Variants in THUMPD2 observed in about 807,000 individuals in gnomAD.
THUMPD2 encodes the protein U6 snRNA (guanine-N(2))-methyltransferase THUMPD2.
Under a neutral mutation model 49.4 loss-of-function variants are expected in THUMPD2, and 56 were observed. The ratio of observed to expected loss-of-function variants is 1.13; its 90% CI spans 0.91 to 1.41. THUMPD2 has a LOEUF of 1.41. THUMPD2 is among the 40% of genes most tolerant of loss of function. The probability of loss-of-function intolerance (pLI) is 0.00; values close to 1 mark genes in which losing one functional copy is unlikely to be tolerated. For synonymous variants in THUMPD2, 237 were observed against 205.2 expected (o/e 1.15, Z -1.32); for missense variants, 709 against 594.5 (o/e 1.19, Z -2.00).
At chr2:39,765,921 TA>T (rs1352725294) in intron 5 of THUMPD2, 135 bp downstream of exon 5, 1 of 720,484 alleles carries the variant, frequency 1.4e-6, no homozygotes, top group Non-Finnish European at 2.3e-6. Context: ...TTTATTGTCT[TA>T]AGCAAAGAAT....
intron 9 of THUMPD2, among the ~76,000 whole-genome samples, chr2:39,738,825 G>C (rs972102653): frequency 6.6e-6 from 1 of 152,000 alleles, no homozygotes; most frequent in African/African-American, 2.4e-5. Flanking sequence ...CCAGGGTAGA[G>C]TGGGGCTGGA....
At chr2:39,745,269 T>C (rs1454697603) in intron 8 of THUMPD2, among the ~76,000 whole-genome samples, 1 of 152,196 alleles carries the variant, frequency 6.6e-6, no homozygotes, top group Non-Finnish European at 1.5e-5. Context: ...TCACTAAATA[T>C]CAAAAGTTTC....
rs369266584 is a variant in THUMPD2 at position 39,761,300 on chromosome 2, C to T, written c.891+31G>A. 3.4e-5 allele frequency: 54 copies of T among 1,585,230 alleles called. 1 individual carries two copies. In the African/African-American group the frequency reaches 6.5e-4, roughly 19 times the overall value. ...TAAGTTAATTATGAAAAGAACCTTG[C>T]TATTAACAGGAAGGAAAACATTTTT... On this transcript the variant is annotated intron_variant, in intron 6 of 9. Transcript: ENST00000505747.
intron 8 of THUMPD2, among the ~76,000 whole-genome samples, chr2:39,748,662 T>C (rs367869673): frequency 6.6e-6 from 1 of 151,094 alleles, no homozygotes; most frequent in East Asian, 2.0e-4. Context: ...CACTCCAGCC[T>C]GGCGACAGAG....
At chr2:39,748,226 G>C (rs990097226) in intron 8 of THUMPD2, among the ~76,000 whole-genome samples, 1 of 151,830 alleles carries the variant, frequency 6.6e-6, no homozygotes, top group Non-Finnish European at 1.5e-5. Context: ...ACTTTTTTTT[G>C]GTAAAGTTTA....
chr2:39,751,763 C>T (rs978290715), intron 8 of THUMPD2, among the ~76,000 whole-genome samples: 1 of 143,948 alleles, frequency 6.9e-6, no homozygotes, highest in African/African-American at 2.6e-5. Context: ...AGGGTCACTG[C>T]AACCTTCACC....
chr2:39,759,090 GA>G (rs1410919113), intron 6 of THUMPD2, among the ~76,000 whole-genome samples: 2 of 152,042 alleles, frequency 1.3e-5, no homozygotes, highest in Non-Finnish European at 2.9e-5. Flanking sequence ...TAAAGAGAGG[GA>G]AATCATGTCA....
chr2:39,759,146 T>C (rs1298218823), intron 6 of THUMPD2, among the ~76,000 whole-genome samples: 1 of 152,056 alleles, frequency 6.6e-6, no homozygotes, highest in African/African-American at 2.4e-5. Context: ...GCTTAACATG[T>C]TCATAATAGG....
chr2:39,769,004 AAC>A (rs1677925688), intron 3 of THUMPD2: 4 of 1,304,684 alleles, frequency 3.1e-6, no homozygotes, highest in Non-Finnish European at 4.0e-6. Context: ...TGGTGATGGC[AAC>A]AGTTTGTGGT....
chr2:39,739,011 CAATTCTGTCTCTA>C (rs1673541036), intron 9 of THUMPD2, among the ~76,000 whole-genome samples: 2 of 152,318 alleles, frequency 1.3e-5, no homozygotes, highest in South Asian at 4.1e-4. Context: ...CAAAGCTAGA[CAATTCTGTCTCTA>C]AATTGTATCA....
At chr2:39,748,637 G>A (rs1233183822) in intron 8 of THUMPD2, among the ~76,000 whole-genome samples, 5 of 151,636 alleles carry the variant, frequency 3.3e-5, no homozygotes, top group Non-Finnish European at 7.4e-5. Flanking sequence ...GCAGTGAGCC[G>A]AAATTGCGCC....
At chr2:39,745,908 T>TA (rs1674515263) in intron 8 of THUMPD2, among the ~76,000 whole-genome samples, 1 of 152,204 alleles carries the variant, frequency 6.6e-6, no homozygotes, top group African/African-American at 2.4e-5. Flanking sequence ...GTTGAGAGCA[T>TA]AAGCTCTGGA....
At chr2:39,738,411 A>T (rs1371204324) in intron 9 of THUMPD2, among the ~76,000 whole-genome samples, 1 of 151,854 alleles carries the variant, frequency 6.6e-6, no homozygotes, top group Non-Finnish European at 1.5e-5. Context: ...AAAAAATACA[A>T]AAATCAGCCA....
intron 9 of THUMPD2, among the ~76,000 whole-genome samples, chr2:39,741,514 C>G (rs903127798): frequency 8.5e-5 from 13 of 152,144 alleles, no homozygotes; most frequent in African/African-American, 2.9e-4. Context: ...TCAAGCGGTG[C>G]AAGGTGAATT....
intron 9 of THUMPD2, among the ~76,000 whole-genome samples, chr2:39,740,619 C>CT (rs983724072): frequency 3.3e-5 from 5 of 151,680 alleles, no homozygotes; most frequent in South Asian, 2.1e-4. Context: ...CTTTTCTTTT[C>CT]TTTTTTTTTA....
At chr2:39,757,480 G>GA (rs2148275921) in intron 6 of THUMPD2, 1 of 1,171,458 alleles carries the variant, frequency 8.5e-7, no homozygotes, top group South Asian at 1.4e-5. Context: ...GGAGCAGAAG[G>GA]AAAAATTTAA....
At chr2:39,775,278 C>A (rs572488722) in intron 1 of THUMPD2, among the ~76,000 whole-genome samples, 1 of 152,018 alleles carries the variant, frequency 6.6e-6, no homozygotes, top group African/African-American at 2.4e-5. Context: ...GATCCTGTCA[C>A]GATTTTTTTA....
chr2:39,742,229 G>C (rs1466563916), intron 9 of THUMPD2, among the ~76,000 whole-genome samples: 1 of 152,144 alleles, frequency 6.6e-6, no homozygotes, highest in East Asian at 1.9e-4. Flanking sequence ...ATAAAGGTTG[G>C]GGACAGGTGG....
chr2:39,747,675 A>G (rs1674797339), intron 8 of THUMPD2, among the ~76,000 whole-genome samples: 1 of 152,128 alleles, frequency 6.6e-6, no homozygotes, highest in Admixed American at 6.5e-5. Context: ...TTTTTGAGAA[A>G]AAATAATTTG....
Sources: gnomAD v4.1 joint callset for allele counts (sites outside exome capture counted in the v4.1 genomes callset) on GRCh38, gnomAD v4.1.1 for gene constraint, MANE v1.5 for transcripts, NCBI Gene and HGNC (gene_info 2026-07-23, HGNC 2026-07-21) for gene names.